The following MACROD2 variants were observed in gnomAD, a reference collection of about 807,000 sequenced individuals.
MACROD2 encodes the protein ADP-ribose glycohydrolase MACROD2.
Under a neutral mutation model 70.4 loss-of-function variants are expected in MACROD2, and 36 were observed. That is an observed-to-expected ratio of 0.51 (90% confidence interval 0.39 to 0.68). MACROD2 has a LOEUF of 0.68. Among genes scored for constraint, MACROD2 ranks in the 30% least tolerant of loss-of-function variants. The pLI is 0.00. For missense variants in MACROD2, 496 were observed against 538.4 expected (o/e 0.92, Z 0.78); for synonymous variants, 172 against 178.8 (o/e 0.96, Z 0.30).
chr20:15,148,403 A>T (rs2076245967), intron 5 of MACROD2, among the ~76,000 whole-genome samples: 1 of 152,060 alleles, frequency 6.6e-6, no homozygotes, highest in Non-Finnish European at 1.5e-5. Flanking sequence ...CTAATTAGAG[A>T]GTGCTTAAGG....
intron 6 of MACROD2, among the ~76,000 whole-genome samples, chr20:15,397,915 C>T (rs1290061720): frequency 2.0e-5 from 3 of 152,036 alleles, no homozygotes; most frequent in Non-Finnish European, 4.4e-5. Context: ...ATGACAAATC[C>T]CTTCTCCGTG....
intron 3 of MACROD2, among the ~76,000 whole-genome samples, chr20:14,372,065 C>T (rs1255238926): frequency 6.6e-6 from 1 of 152,086 alleles, no homozygotes; most frequent in African/African-American, 2.4e-5. Flanking sequence ...TCCGTGAGGG[C>T]AGGGACCTTG....
At chr20:15,536,489 A>G (rs1193621840) in intron 8 of MACROD2, among the ~76,000 whole-genome samples, 1 of 152,202 alleles carries the variant, frequency 6.6e-6, no homozygotes, top group Non-Finnish European at 1.5e-5. Flanking sequence ...AGTAGGAACA[A>G]AGCTAGGTGC....
intron 5 of MACROD2, among the ~76,000 whole-genome samples, chr20:15,124,526 A>C (rs2076053268): frequency 6.6e-6 from 1 of 152,154 alleles, no homozygotes; most frequent in East Asian, 1.9e-4. Flanking sequence ...TGTGTGTTTT[A>C]TCAAATTACT....
intron 3 of MACROD2, among the ~76,000 whole-genome samples, chr20:14,363,412 C>T (rs974324949): frequency 5.9e-5 from 9 of 152,082 alleles, no homozygotes; most frequent in African/African-American, 1.9e-4. Flanking sequence ...GCCGTTCTAA[C>T]CATCTCAATA....
intron 7 of MACROD2, among the ~76,000 whole-genome samples, chr20:15,444,987 A>G (rs564900765): frequency 3.3e-4 from 51 of 152,242 alleles, no homozygotes; most frequent in Middle Eastern, 6.8e-3. Context: ...TCTTATAACT[A>G]CTGCTGTCAT....
chr20:14,160,793 A>G (rs1353499215), intron 3 of MACROD2, among the ~76,000 whole-genome samples: 2 of 151,648 alleles, frequency 1.3e-5, no homozygotes, highest in Non-Finnish European at 2.9e-5. Context: ...TAGTTCCTTC[A>G]GGTGTATTTT....
chr20:14,298,355 G>C, intron 3 of MACROD2, among the ~76,000 whole-genome samples: 1 of 151,834 alleles, frequency 6.6e-6, no homozygotes, highest in East Asian at 1.9e-4. Context: ...ATCACCTGAG[G>C]TCAGGAGTTC....
chr20:15,464,207 G>C (rs1310255507), intron 7 of MACROD2, among the ~76,000 whole-genome samples: 1 of 152,170 alleles, frequency 6.6e-6, no homozygotes, highest in African/African-American at 2.4e-5. Context: ...TAGAGATGGG[G>C]TTCTCCCTGT....
At chr20:15,431,288 C>A (rs2046360815) in intron 6 of MACROD2, 117 bp from the exon 7 acceptor site, 2 of 872,382 alleles carry the variant, frequency 2.3e-6, no homozygotes, top group Non-Finnish European at 3.8e-6. Context: ...CAACTCATAG[C>A]TCTGAATATG....
At chr20:15,972,525 T>C (rs1309036577) in intron 13 of MACROD2, among the ~76,000 whole-genome samples, 1 of 151,998 alleles carries the variant, frequency 6.6e-6, no homozygotes, top group Non-Finnish European at 1.5e-5. Context: ...TAAAGATAAA[T>C]CAGGCCAGGC....
In MACROD2 at chr20:14,326,564, A is replaced by T. The variant is rs1397000009; in HGVS notation, c.272-166915A>T. On this transcript the variant is annotated intron_variant, in intron 3 of 17. Coordinates refer to ENST00000684519, the MANE Select transcript of MACROD2 (RefSeq NM_001351661.2). This position sits in a 1 kb window ranked among gnomAD's most constrained non-coding sequence, Gnocchi z 5.5. ...AGTGATTGTAACCAGTCACGTACCC[A>T]TTTCATCTTGCACCCGCAATACCAG... 6.2e-7 allele frequency: 1 copy of T among 1,613,898 alleles called. No individual in the cohort carries two copies. Among genetic ancestry groups the T allele is most frequent in the Admixed American group, 1.7e-5 (1 of 59,976 alleles).
At chr20:15,311,263 A>G (rs2077749392) in intron 6 of MACROD2, among the ~76,000 whole-genome samples, 1 of 152,234 alleles carries the variant, frequency 6.6e-6, no homozygotes, top group Non-Finnish European at 1.5e-5. Context: ...AATGTTTGAT[A>G]GCAAAAACAT....
At chr20:15,248,945 C>T (rs2077129959) in intron 6 of MACROD2, among the ~76,000 whole-genome samples, 2 of 152,140 alleles carry the variant, frequency 1.3e-5, no homozygotes, top group African/African-American at 4.8e-5. Flanking sequence ...TCATTTTTCC[C>T]AGGAAGCTCC....
At chr20:15,861,360 A>G (rs1372465730) in intron 8 of MACROD2, among the ~76,000 whole-genome samples, 3 of 152,228 alleles carry the variant, frequency 2.0e-5, no homozygotes, top group South Asian at 4.1e-4. Context: ...CTAAATTTAG[A>G]GTTCACCTGG....
intron 10 of MACROD2, among the ~76,000 whole-genome samples, chr20:15,889,299 A>G (rs2064859875): frequency 6.6e-6 from 1 of 152,172 alleles, no homozygotes; most frequent in Non-Finnish European, 1.5e-5. Flanking sequence ...GCTGAGCCAG[A>G]CTTTAATTGG....
At chr20:14,813,096 C>T (rs1206638948) in intron 5 of MACROD2, among the ~76,000 whole-genome samples, 1 of 151,790 alleles carries the variant, frequency 6.6e-6, no homozygotes, top group Non-Finnish European at 1.5e-5. Flanking sequence ...ATATGATTTA[C>T]TAACAAGTAT....
intron 2 of MACROD2, among the ~76,000 whole-genome samples, chr20:14,067,768 T>C (rs1363344136): frequency 6.6e-6 from 1 of 152,218 alleles, no homozygotes; most frequent in African/African-American, 2.4e-5. Flanking sequence ...TGTGTCCTTA[T>C]TTAAAGAACT....
chr20:14,096,969 A>G (rs1194644873), intron 3 of MACROD2, among the ~76,000 whole-genome samples: 2 of 152,188 alleles, frequency 1.3e-5, no homozygotes, highest in African/African-American at 4.8e-5. Flanking sequence ...ATATGGTTCT[A>G]GTAAATTTCC....
Sources: allele counts gnomAD v4.1 joint callset (sites outside exome capture counted in the v4.1 genomes callset), GRCh38; gene constraint gnomAD v4.1.1; non-coding constraint Gnocchi (gnomAD v3.1); transcripts MANE v1.5; gene names NCBI Gene and HGNC (gene_info 2026-07-23, HGNC 2026-07-21).